WNT5A: variants seen among roughly 807,000 people sequenced by gnomAD.
WNT5A encodes protein Wnt-5a.
A neutral mutation model predicts 42.1 loss-of-function variants in WNT5A; 9 were observed. The observed-to-expected ratio is 0.21, with a 90% confidence interval of 0.13 to 0.37. The LOEUF is 0.37. Among genes scored for constraint, WNT5A ranks in the 10% least tolerant of loss-of-function variants. The probability of loss-of-function intolerance (pLI) is 1.00; values close to 1 mark genes in which losing one functional copy is unlikely to be tolerated. For synonymous variants in WNT5A, 210 were observed against 210.0 expected (o/e 1.00, Z 0.00); for missense variants, 426 against 534.0 (o/e 0.80, Z 1.99).
rs951988026 is a variant in WNT5A, at chr3:55,483,023, G to A, written c.7-2105C>T. Among the ~76,000 whole-genome samples the A allele has an allele frequency of 2.0e-5, 3 of 152,232 alleles. No homozygotes were observed. The highest frequency in any genetic ancestry group is 7.2e-5 in the African/African-American group (3 of 41,472). ...CACTTTCCAAGCTTCGCGGCGAGCG[G>A]GGCGCGTGGGGCGGGGCTCAAGCAG... is the stretch of plus-strand genomic sequence containing the variant. On this transcript the variant is annotated intron_variant, in intron 1 of 4. Coordinates refer to ENST00000264634, the MANE Select transcript of WNT5A (RefSeq NM_003392.7). This position sits in a 1 kb window ranked among gnomAD's most constrained non-coding sequence, Gnocchi z 4.2.
chr3:55,475,044 A>C (rs1173251397), intron 3 of WNT5A, among the ~76,000 whole-genome samples: 3 of 152,150 alleles, frequency 2.0e-5, no homozygotes, highest in East Asian at 3.9e-4. Context: ...ATCCCCCAAA[A>C]CACACAGAAG....
At chr3:55,470,823 A>AT (rs1211601375) in intron 4 of WNT5A, among the ~76,000 whole-genome samples, 1 of 152,122 alleles carries the variant, frequency 6.6e-6, no homozygotes, top group South Asian at 2.1e-4. Flanking sequence ...TTCCAGCTGT[A>AT]TTTTTTTCAG....
the WNT5A span, among the ~76,000 whole-genome samples, chr3:55,503,348 T>C: frequency 1.3e-5 from 2 of 152,244 alleles, no homozygotes; most frequent in African/African-American, 4.8e-5. Flanking sequence ...GGCATTGTGT[T>C]AAATGACCAT....
rs1433104792 is a variant in WNT5A, at chr3:55,468,505, A to T, written c.*1587T>A. ...CACAGCAGGGCCACAGCCCAAGCTC[A>T]AGACTCAAAAAACTTTTGGAATAAT... is the stretch of plus-strand genomic sequence containing the variant. On this transcript the variant is annotated 3_prime_UTR_variant, in exon 5 of 5. Transcript: ENST00000264634. The T allele has an allele frequency of 1.3e-5, 2 of 152,192 alleles. No homozygotes were observed. The highest frequency in any genetic ancestry group is 1.3e-4 in the Admixed American group (2 of 15,286). 9.4% of individuals were successfully genotyped at this position (152,192 alleles called of 1,614,324 possible).
At position 55,479,524 on chromosome 3, in the gene WNT5A, A is replaced by C; in HGVS notation, c.181T>G (p.Tyr61Asp). The C allele has an allele frequency of 6.2e-7, 1 of 1,613,390 alleles. No individual in the cohort carries two copies. Among genetic ancestry groups the C allele is most frequent in the South Asian group, 1.1e-5 (1 of 90,952 alleles). ...CAGAGAGGCTGTGCTCCTATAATAT[A>C]TACTTCTGACATCTGAACAGGGTTA... is the stretch of plus-strand genomic sequence containing the variant. Reference protein sequence around the residue: ...MNNPVQMSEVYIIGAQPLCSQ... With the variant: ...MNNPVQMSEVDIIGAQPLCSQ... The change falls in exon 3 of 5, where the codon TAT becomes GAT. Residue 61 changes from tyrosine to aspartate, a missense_variant. This residue lies in a region of WNT5A where 358 missense variants were observed against 468.1 expected (regional missense o/e 0.76). Transcript: ENST00000264634.
chr3:55,479,623 G>A, intron 2 of WNT5A, 59 bp from the exon 3 acceptor site: 1 of 1,530,276 alleles, frequency 6.5e-7, no homozygotes, highest in East Asian at 2.3e-5. Context: ...TGGGCCCCCT[G>A]AAAGCATGTC....
At chr3:55,495,052 T>G (rs999312011), upstream of WNT5A, among the ~76,000 whole-genome samples, 1 of 152,256 alleles carries the variant, frequency 6.6e-6, no homozygotes, top group Non-Finnish European at 1.5e-5. Flanking sequence ...TAAAATTGAT[T>G]TATTTTTAAT....
chr3:55,501,475 T>C, the WNT5A span: 1 of 152,380 alleles, frequency 6.6e-6, no homozygotes, highest in Admixed American at 6.5e-5. Flanking sequence ...TTCTTTTCTT[T>C]AGAGAATCTG....
rs1285536572 is a variant in WNT5A, at chr3:55,478,842, A to G, written c.391+472T>C. On this transcript the variant is annotated intron_variant, in intron 3 of 4. Transcript: ENST00000264634. ...CTTTATAGCCTCAGGAAATAGTTCT[A>G]TTAGGAAAATTAAAACTTTGTTCAC... 2.0e-5 allele frequency among the ~76,000 whole-genome samples: 3 copies of G among 152,200 alleles called. No individual in the cohort carries two copies. The East Asian group carries it at 5.8e-4, about 29-fold the overall frequency.
intron 4 of WNT5A, among the ~76,000 whole-genome samples, 196 bp downstream of exon 4, chr3:55,474,141 C>T (rs987905193): frequency 6.6e-6 from 1 of 151,806 alleles, no homozygotes; most frequent in South Asian, 2.1e-4. Flanking sequence ...GAGACGGGAA[C>T]AGGATGAGGA....
At position 55,479,380 on chromosome 3, in the gene WNT5A, G is replaced by A. The variant is rs2106945572; in HGVS notation, c.325C>T (p.Arg109Ter). The change falls in exon 3 of 5, where the codon CGA (arginine) becomes TGA (stop). Residue 109 changes from arginine (R) to a stop codon, truncating the protein, a stop_gained. Transcript: ENST00000264634. LOFTEE classifies it high-confidence loss of function. ...TGIKECQYQF[R>*]HRRWNCSTVD... ...GTGCTGCAGTTCCACCTTCGATGTC[G>A]GAATTGATACTGGCATTCTTTGATG... 1.2e-6 allele frequency: 2 copies of A among 1,613,774 alleles called. No homozygotes were observed. The highest frequency in any genetic ancestry group is 2.2e-5 in the East Asian group (1 of 44,880).
At chr3:55,486,871 G>A (rs1368960484) in intron 1 of WNT5A, 109 bp downstream of exon 1, 1 of 829,550 alleles carries the variant, frequency 1.2e-6, no homozygotes, top group Non-Finnish European at 2.1e-6. Context: ...AGCTTCTTCA[G>A]GCGGTTGGGG....
the WNT5A span, among the ~76,000 whole-genome samples, chr3:55,504,709 C>T: frequency 3.9e-5 from 6 of 152,190 alleles, no homozygotes; most frequent in Non-Finnish European, 7.3e-5. Flanking sequence ...GGTGATCTGC[C>T]CACCTCGGCC....
At chr3:55,492,279 C>A (rs867026622), upstream of WNT5A, among the ~76,000 whole-genome samples, 5 of 151,850 alleles carry the variant, frequency 3.3e-5, no homozygotes, top group African/African-American at 7.3e-5. Flanking sequence ...TTTTAGGGAA[C>A]CTGTGGGTCA....
intron 1 of WNT5A, 130 bp downstream of exon 1, chr3:55,486,850 G>C: frequency 1.3e-6 from 1 of 758,992 alleles, no homozygotes; most frequent in South Asian, 1.5e-5. Context: ...TGCCAGCGAC[G>C]CTGGAGTTCC....
At chr3:55,476,335 A>G (rs1480270654) in intron 3 of WNT5A, among the ~76,000 whole-genome samples, 1 of 152,192 alleles carries the variant, frequency 6.6e-6, no homozygotes, top group Non-Finnish European at 1.5e-5. Context: ...AGGAGGATCT[A>G]GAAAGTTCCT....
intron 1 of WNT5A, chr3:55,481,513 C>T: frequency 1.8e-6 from 1 of 548,140 alleles, no homozygotes; most frequent in Non-Finnish European, 2.3e-6. Context: ...CGGGGACCAG[C>T]GCGCGAGAGT....
In WNT5A at chr3:55,487,233, G is replaced by C. The variant is rs1023260069; in HGVS notation, c.-248C>G. 6 of 498,348 alleles carry C rather than the reference G, an allele frequency of 1.2e-5. No homozygotes were observed. The highest frequency in any genetic ancestry group is 1.0e-4 in the African/African-American group (5 of 48,536). 30.9% of individuals were successfully genotyped at this position (498,348 alleles called of 1,614,324 possible). A position where few individuals can be genotyped will look rare whatever the true frequency, so the allele number is the denominator to read the frequency against. ...GAGGGGGCGCGGACGCGCGCGAGCC[G>C]GCAGCAAGGGCAGGGCCTGGTCGGG... On this transcript the variant is annotated 5_prime_UTR_variant, in exon 1 of 5. Transcript: ENST00000264634.
At position 55,468,133 on chromosome 3, in the gene WNT5A, C is replaced by A. The variant is rs2051177309; in HGVS notation, c.*1959G>T. 1.1e-5 allele frequency: 1 copy of A among 89,648 alleles called. No individual in the cohort carries two copies. The highest frequency in any genetic ancestry group is 4.2e-5 in the African/African-American group (1 of 23,778). 5.6% of individuals were successfully genotyped at this position (89,648 alleles called of 1,614,324 possible). A position where few individuals can be genotyped will look rare whatever the true frequency, so the allele number is the denominator to read the frequency against. On this transcript the variant is annotated 3_prime_UTR_variant, in exon 5 of 5. Transcript: ENST00000264634. ...ATGGCACTGTTTGGAAAGAGGTGTC[C>A]TTATTAAAAAAAAAAAAAAAAAAGC...
Sources: gnomAD v4.1 joint callset for allele counts (sites outside exome capture counted in the v4.1 genomes callset) on GRCh38, gnomAD v4.1.1 for gene constraint, gnomAD v4.1.1 regional missense constraint, Gnocchi (gnomAD v3.1) non-coding constraint, MANE v1.5 for transcripts, NCBI Gene and HGNC (gene_info 2026-07-23, HGNC 2026-07-21) for gene names.